Variants in MAX observed in about 807,000 individuals in gnomAD.
MAX encodes protein max.
MAX carries 3 observed loss-of-function variants against 22.3 expected under a neutral mutation model. The ratio of observed to expected loss-of-function variants is 0.13; its 90% CI spans 0.06 to 0.35. The LOEUF (loss-of-function observed/expected upper bound fraction) is 0.35, where lower values mean the gene tolerates loss of function less well. Ranked by LOEUF, MAX falls within the 10% of genes least tolerant of loss-of-function variation. The pLI, the probability that MAX is intolerant of heterozygous loss-of-function variation, is 1.00. For missense variants in MAX, 119 were observed against 209.4 expected, an observed-to-expected ratio of 0.57 and a Z score of 2.66; for synonymous variants, 72 against 77.7, an observed-to-expected ratio of 0.93 and a Z score of 0.39.
intron 3 of MAX, among the ~76,000 whole-genome samples, chr14:65,048,001 T>C (rs2062521249): frequency 6.8e-6 from 1 of 147,538 alleles, no homozygotes; most frequent in Non-Finnish European, 1.5e-5. Context: ...TTTTTTTTTT[T>C]TTTTGAGACA....
chr14:65,067,019 T>TAAA (rs35809647), intron 3 of MAX, among the ~76,000 whole-genome samples: 1 of 137,780 alleles, frequency 7.3e-6, no homozygotes, highest in African/African-American at 2.7e-5. Context: ...CTACAAAAAT[T>TAAA]AAAAAAAAAA....
chr14:65,013,649 G>C (rs1393849290), intron 3 of MAX, among the ~76,000 whole-genome samples: 1 of 152,190 alleles, frequency 6.6e-6, no homozygotes, highest in Non-Finnish European at 1.5e-5. Context: ...TCAGGTTCAA[G>C]CGATTCTCTT....
At chr14:65,087,771 G>A (rs1257499505) in intron 3 of MAX, among the ~76,000 whole-genome samples, 1 of 152,202 alleles carries the variant, frequency 6.6e-6, no homozygotes, top group African/African-American at 2.4e-5. Flanking sequence ...TTAAGACAAG[G>A]CACGATTGGT....
chr14:65,079,714 G>A lies in MAX; in HGVS notation c.172-1678C>T, dbSNP rs760896778. Among the ~76,000 whole-genome samples, 4 of 151,918 alleles carry A rather than the reference G, an allele frequency of 2.6e-5. No homozygotes were observed. Among genetic ancestry groups the A allele is most frequent in the Admixed American group, 6.6e-5 (1 of 15,250 alleles). ...GAAAGACAAAGAAAACATGTACACC[G>A]TGGCTAGCAAAACCAGATCTACTCA... On this transcript the variant is annotated intron_variant, in intron 3 of 4. Transcript: ENST00000358664. This position sits in a 1 kb window ranked among gnomAD's most constrained non-coding sequence, Gnocchi z 4.5.
rs1487977015 is a variant in MAX at position 65,077,225 on chromosome 14, C to T, written c.296-562G>A. ...AGGCTGCCTGGCCCAGTAACCAACC[C>T]ACTGACACCACCCACTGCCCATCCC... On this transcript the variant is annotated intron_variant, in intron 4 of 4. Transcript: ENST00000358664. This position sits in a 1 kb window ranked among gnomAD's most constrained non-coding sequence, Gnocchi z 6.3. The T allele has an allele frequency of 6.6e-6, 5 of 759,346 alleles. No homozygotes were observed. The highest frequency in any genetic ancestry group is 1.1e-5 in the Non-Finnish European group (5 of 440,280). The allele number at this position is 759,346 out of a possible 1,614,324, so 47.0% of individuals were successfully genotyped here. A position where few individuals can be genotyped will look rare whatever the true frequency, so the allele number is the denominator to read the frequency against.
In MAX at chr14:65,044,730, T is replaced by G; in HGVS notation, c.172-38446A>C. The G allele has an allele frequency of 2.3e-6, 1 of 429,032 alleles. No homozygotes were observed. The highest frequency in any genetic ancestry group is 4.1e-6 in the Non-Finnish European group (1 of 245,448). 26.6% of individuals were successfully genotyped at this position (429,032 alleles called of 1,614,324 possible). ...GGAAGTGGGCGCTGCTTCTGCGTTATCTGGAAGGAGCAGCCCACTCCTGTC... is the reference window on the plus strand; with the variant it reads ...GGAAGTGGGCGCTGCTTCTGCGTTAGCTGGAAGGAGCAGCCCACTCCTGTC... On this transcript the variant is annotated intron_variant, in intron 3 of 3. Coordinates refer to the MAX transcript ENST00000341653. The surrounding 1 kb of genome is among the most constrained non-coding windows in gnomAD (Gnocchi z 5.5).
intron 3 of MAX, among the ~76,000 whole-genome samples, chr14:65,056,758 T>G (rs2062745454): frequency 6.6e-6 from 1 of 152,232 alleles, no homozygotes; most frequent in Non-Finnish European, 1.5e-5. Flanking sequence ...ATGTGTGTAG[T>G]GAATATCTTC....
chr14:65,100,950 T>C (rs535958797), intron 2 of MAX, among the ~76,000 whole-genome samples: 2 of 152,260 alleles, frequency 1.3e-5, no homozygotes. Flanking sequence ...AGCTATTTTT[T>C]AATTTTCTTT....
chr14:65,016,706 C>T (rs551172264), intron 3 of MAX, among the ~76,000 whole-genome samples: 2 of 152,162 alleles, frequency 1.3e-5, no homozygotes, highest in African/African-American at 4.8e-5. Flanking sequence ...CCTTCCTGGG[C>T]AGGGTGTCTT....
At chr14:65,094,023 C>A in intron 2 of MAX, 1 of 610,256 alleles carries the variant, frequency 1.6e-6, no homozygotes, top group Non-Finnish European at 3.0e-6. Context: ...GCGACAGGAA[C>A]ATCCAAAGTA....
intron 3 of MAX, among the ~76,000 whole-genome samples, chr14:65,085,426 C>G (rs1452634722): frequency 6.6e-6 from 1 of 152,100 alleles, no homozygotes; most frequent in Non-Finnish European, 1.5e-5. Flanking sequence ...AAAGGCAAGG[C>G]CTAGTAATCA....
chr14:65,055,982 C>A (rs1286754604), intron 3 of MAX, among the ~76,000 whole-genome samples: 1 of 152,104 alleles, frequency 6.6e-6, no homozygotes, highest in Non-Finnish European at 1.5e-5. Flanking sequence ...TAGCCCTCTT[C>A]CAGTTTTTTT....
chr14:65,056,346 C>CA (rs2062736527), intron 3 of MAX, among the ~76,000 whole-genome samples: 1 of 152,284 alleles, frequency 6.6e-6, no homozygotes, highest in African/African-American at 2.4e-5. Context: ...TACAGTGTTG[C>CA]AGTGAACGTT....
At chr14:65,025,995 T>C (rs1193495154) in intron 3 of MAX, among the ~76,000 whole-genome samples, 2 of 152,166 alleles carry the variant, frequency 1.3e-5, no homozygotes, top group African/African-American at 2.4e-5. Flanking sequence ...GCCCGGATAA[T>C]GGGAACTCTG....
Position 65,075,844 on chromosome 14 carries a change from A to T in MAX, c.*632T>A. On this transcript the variant is annotated 3_prime_UTR_variant, in exon 5 of 5. Coordinates refer to ENST00000358664, the MANE Select transcript of MAX (RefSeq NM_002382.5). This position sits in a 1 kb window ranked among gnomAD's most constrained non-coding sequence, Gnocchi z 4.1. ...TAAACAGCTGGCTGAGAGAAGCAGG[A>T]GTGAAACATGCCAGCGACTCTGTGC... 2 of 1,044,898 alleles carry T rather than the reference A, an allele frequency of 1.9e-6. No homozygotes were observed. The highest frequency in any genetic ancestry group is 2.3e-6 in the Non-Finnish European group (2 of 866,226). 64.7% of individuals were successfully genotyped at this position (1,044,898 alleles called of 1,614,324 possible). A position where few individuals can be genotyped will look rare whatever the true frequency, so the allele number is the denominator to read the frequency against.
At chr14:65,022,300 A>G (rs1408048764) in intron 3 of MAX, among the ~76,000 whole-genome samples, 2 of 151,116 alleles carry the variant, frequency 1.3e-5, no homozygotes, top group African/African-American at 4.9e-5. Context: ...TTTTTTTTAA[A>G]CCTGCCCAAT....
At chr14:65,089,538 G>C (rs1430586450) in intron 3 of MAX, among the ~76,000 whole-genome samples, 1 of 151,830 alleles carries the variant, frequency 6.6e-6, no homozygotes, top group Non-Finnish European at 1.5e-5. Context: ...AGCCATCCAT[G>C]ATAAAGAGAC....
At chr14:65,060,434 C>G (rs2062835524) in intron 3 of MAX, among the ~76,000 whole-genome samples, 2 of 134,316 alleles carry the variant, frequency 1.5e-5, no homozygotes, top group African/African-American at 7.4e-5. Flanking sequence ...ACTAAAAATA[C>G]AAAAATAATC....
Position 65,082,388 on chromosome 14 carries a change from T to C in MAX, c.172-4352A>G, listed in dbSNP as rs966461033. On this transcript the variant is annotated intron_variant, in intron 3 of 4. Transcript: ENST00000358664. This position sits in a 1 kb window ranked among gnomAD's most constrained non-coding sequence, Gnocchi z 4.8. ...GTGACAGCCGAAGCCCAATGGTAAA[T>C]TGTCTCTGCACCGGTAACAGGCATA... 3 of 152,132 alleles carry C rather than the reference T, an allele frequency of 2.0e-5. No individual in the cohort carries two copies. The highest frequency in any genetic ancestry group is 2.9e-5 in the Non-Finnish European group (2 of 68,036). The allele number at this position is 152,132 out of a possible 1,614,324, so 9.4% of individuals were successfully genotyped here. A position where few individuals can be genotyped will look rare whatever the true frequency, so the allele number is the denominator to read the frequency against.
Sources: gnomAD v4.1 joint callset for allele counts (sites outside exome capture counted in the v4.1 genomes callset) on GRCh38, gnomAD v4.1.1 for gene constraint, Gnocchi (gnomAD v3.1) non-coding constraint, MANE v1.5 for transcripts, NCBI Gene and HGNC (gene_info 2026-07-23, HGNC 2026-07-21) for gene names.